The following ELAPOR2 variants were observed in gnomAD, a reference collection of about 807,000 sequenced individuals.
ELAPOR2 encodes the protein endosome-lysosome associated apoptosis and autophagy regulator family member 2, also known as endosome/lysosome-associated apoptosis and autophagy regulator family member 2.
ELAPOR2 carries 89 observed loss-of-function variants against 120.7 expected under a neutral mutation model. The ratio of observed to expected loss-of-function variants is 0.74; its 90% CI spans 0.62 to 0.88. The LOEUF is 0.88. ELAPOR2 is among the 40% of genes least tolerant of loss of function. The pLI is 0.00. For synonymous variants in ELAPOR2, 444 were observed against 444.9 expected (o/e 1.00, Z 0.03); for missense variants, 1,134 against 1,251.6 (o/e 0.91, Z 1.42).
Position 86,891,799 on chromosome 7 carries a change from T to A in ELAPOR2, c.2955A>T (p.Gly985=). The A allele has an allele frequency of 6.2e-7, 1 of 1,612,304 alleles. No individual in the cohort carries two copies. The highest frequency in any genetic ancestry group is 8.5e-7 in the Non-Finnish European group (1 of 1,178,814). Residue 985 remains glycine, a synonymous_variant, in exon 21 of 22, where the codon GGA becomes GGT. Coordinates refer to ENST00000450689, the MANE Select transcript of ELAPOR2 (RefSeq NM_001142749.3). Reference sequence around the variant, plus strand: ...ATACAACTTCCTCTTCATTATCTTCTCCTTCCATGATAGCACAACTGTCTG... The same window carrying A: ...ATACAACTTCCTCTTCATTATCTTCACCTTCCATGATAGCACAACTGTCTG... The part of the protein sequence containing the change: ...PAADSCAIME[G]EDNEEEVVYS...
chr7:86,963,574 G>A (rs1044891337), intron 2 of ELAPOR2, among the ~76,000 whole-genome samples: 2 of 152,158 alleles, frequency 1.3e-5, no homozygotes, highest in Non-Finnish European at 2.9e-5. Context: ...ATGGTTAGGA[G>A]TCCACTTGAA....
At chr7:86,996,380 A>G (rs1793123389) in intron 1 of ELAPOR2, among the ~76,000 whole-genome samples, 1 of 152,152 alleles carries the variant, frequency 6.6e-6, no homozygotes, top group Non-Finnish European at 1.5e-5. Flanking sequence ...CCCAAAGAAG[A>G]GCATTCCCGG....
At position 86,964,896 on chromosome 7, in the gene ELAPOR2, A is replaced by G. The variant is rs1319168980; in HGVS notation, c.310+8T>C. ...AAGAAAACAAATGGTCAAAATGACA[A>G]AACATACTGCATTCTTTGCCTCTCA... is the stretch of plus-strand genomic sequence containing the variant. On this transcript the variant is annotated splice_region_variant and intron_variant, in intron 2 of 21. Coordinates refer to ENST00000450689, the MANE Select transcript of ELAPOR2 (RefSeq NM_001142749.3). 6.4e-6 allele frequency: 10 copies of G among 1,551,296 alleles called. No homozygotes were observed. Among genetic ancestry groups the G allele is most frequent in the Non-Finnish European group, 7.8e-6 (9 of 1,146,802 alleles).
chr7:86,941,335 A>G (rs762305926), intron 5 of ELAPOR2: 1 of 532,286 alleles, frequency 1.9e-6, no homozygotes, highest in Non-Finnish European at 3.9e-6. Context: ...ATAATAACAG[A>G]TTCACTGAAT....
At chr7:87,003,786 A>G (rs553955406) in intron 1 of ELAPOR2, among the ~76,000 whole-genome samples, 1 of 152,310 alleles carries the variant, frequency 6.6e-6, no homozygotes, top group African/African-American at 2.4e-5. Context: ...TTGTGGTTCA[A>G]ATGCCTTATT....
chr7:86,969,459 A>G (rs765994352), intron 1 of ELAPOR2, among the ~76,000 whole-genome samples: 69 of 152,148 alleles, frequency 4.5e-4, no homozygotes, highest in Non-Finnish European at 9.0e-4. Flanking sequence ...CTTAAATATG[A>G]TTTATGCATA....
At chr7:86,931,514 T>A (rs892709803) in intron 8 of ELAPOR2, among the ~76,000 whole-genome samples, 1 of 151,992 alleles carries the variant, frequency 6.6e-6, no homozygotes, top group Non-Finnish European at 1.5e-5. Context: ...CTCTGTCCTC[T>A]AGATTCTTCC....
rs1789129008 is a variant in ELAPOR2, at chr7:86,908,295, T to C, written c.2456+152A>G. 7.3e-6 allele frequency: 4 copies of C among 547,138 alleles called. No individual in the cohort carries two copies. The South Asian group carries it at 7.6e-5, about 10-fold the overall frequency. 33.9% of individuals were successfully genotyped at this position (547,138 alleles called of 1,614,324 possible). On this transcript the variant is annotated intron_variant, in intron 17 of 21. Transcript: ENST00000450689. The stretch of plus-strand genomic sequence containing the variant: ...AGTATAAGCTACATTCTAGGAATGC[T>C]CAGGTGACATAGTTGATCTTCTCTG...
intron 8 of ELAPOR2, 109 bp from the exon 9 acceptor site, chr7:86,927,025 GC>G: frequency 1.0e-6 from 1 of 975,386 alleles, no homozygotes; most frequent in Non-Finnish European, 1.4e-6. Context: ...GAATAGAAGG[GC>G]CAGCTGACAG....
At chr7:86,909,145 C>A (rs1334337365) in intron 16 of ELAPOR2, among the ~76,000 whole-genome samples, 1 of 151,906 alleles carries the variant, frequency 6.6e-6, no homozygotes, top group Non-Finnish European at 1.5e-5. Context: ...CAGTAACTGA[C>A]CTTGGTGCTG....
chr7:86,944,951 T>C lies in ELAPOR2; in HGVS notation c.602A>G (p.Tyr201Cys), dbSNP rs754605499. Reference sequence around the variant, plus strand: ...GACATACTGGTACTCAAAGAAGACATAGCCTGACTTCTTAAGGTGCACAGC... The same window carrying C: ...GACATACTGGTACTCAAAGAAGACACAGCCTGACTTCTTAAGGTGCACAGC... Reference protein sequence around the residue: ...IYAVHLKKSGYVFFEYQYVDN... With the variant: ...IYAVHLKKSGCVFFEYQYVDN... The change falls in exon 4 of 22, where the codon TAT (tyrosine) becomes TGT (cysteine). Residue 201 changes from tyrosine (Y) to cysteine (C), a missense_variant. By Grantham distance (194) the Tyr-to-Cys change is radical. Transcript: ENST00000450689. The C allele has an allele frequency of 5.2e-6, 8 of 1,549,346 alleles. No homozygotes were observed. The highest frequency in any genetic ancestry group is 1.2e-5 in the South Asian group (1 of 83,932).
chr7:86,892,881 G>A, intron 20 of ELAPOR2, 41 bp downstream of exon 20: 1 of 1,404,646 alleles, frequency 7.1e-7, no homozygotes, highest in Non-Finnish European at 9.3e-7. Flanking sequence ...CAACAAAATA[G>A]GCCCTCTAGC....
At chr7:86,886,609 T>C (rs1799702049) in intron 21 of ELAPOR2, among the ~76,000 whole-genome samples, 1 of 152,144 alleles carries the variant, frequency 6.6e-6, no homozygotes. Context: ...CTTGTGACTC[T>C]ACAGCTTGAT....
intron 1 of ELAPOR2, among the ~76,000 whole-genome samples, chr7:87,033,333 A>T (rs1464201746): frequency 6.6e-6 from 1 of 152,236 alleles, no homozygotes; most frequent in Non-Finnish European, 1.5e-5. Context: ...TATCAAAAAA[A>T]TCGAAGATAA....
chr7:86,964,488 T>C (rs1234434876), intron 2 of ELAPOR2, among the ~76,000 whole-genome samples: 2 of 152,118 alleles, frequency 1.3e-5, no homozygotes, highest in Admixed American at 6.6e-5. Flanking sequence ...TGTGGATGGA[T>C]TGTGGTAATG....
At chr7:87,047,165 C>T (rs1331663838) in intron 1 of ELAPOR2, among the ~76,000 whole-genome samples, 1 of 152,080 alleles carries the variant, frequency 6.6e-6, no homozygotes, top group East Asian at 1.9e-4. Context: ...CCTTGATCTC[C>T]CACTGTATAC....
At chr7:87,036,329 CA>C (rs1323252112) in intron 1 of ELAPOR2, among the ~76,000 whole-genome samples, 2 of 151,968 alleles carry the variant, frequency 1.3e-5, no homozygotes, top group Non-Finnish European at 2.9e-5. Context: ...AATAATAATA[CA>C]AAAATTAGCA....
intron 17 of ELAPOR2, 91 bp downstream of exon 17, chr7:86,908,356 C>A (rs952370265): frequency 8.2e-5 from 56 of 679,216 alleles, no homozygotes; most frequent in African/African-American, 7.9e-4. Context: ...GATTACATAC[C>A]CATAATTATA....
rs1258112536 is a variant in ELAPOR2, at chr7:86,877,945, T to A, written c.*2526A>T. 6 of 152,184 alleles carry A rather than the reference T, an allele frequency of 3.9e-5. No individual in the cohort carries two copies. Among genetic ancestry groups the A allele is most frequent in the Non-Finnish European group, 8.8e-5 (6 of 68,032 alleles). The allele number at this position is 152,184 out of a possible 1,614,324, so 9.4% of individuals were successfully genotyped here. On this transcript the variant is annotated 3_prime_UTR_variant, in exon 22 of 22. Coordinates refer to ENST00000450689, the MANE Select transcript of ELAPOR2 (RefSeq NM_001142749.3). ...TATCAAAATGCTCAATGTTGTTAAATGACATAATATAATTTATCCACAGAA... is the reference window on the plus strand; with the variant it reads ...TATCAAAATGCTCAATGTTGTTAAAAGACATAATATAATTTATCCACAGAA...
Sources: gnomAD v4.1 joint callset for allele counts (sites outside exome capture counted in the v4.1 genomes callset) on GRCh38, gnomAD v4.1.1 for gene constraint, MANE v1.5 for transcripts, NCBI Gene and HGNC (gene_info 2026-07-23, HGNC 2026-07-21) for gene names.